Variants in DPP6 observed in about 807,000 individuals in gnomAD.
DPP6 encodes A-type potassium channel modulatory protein DPP6.
Under a neutral mutation model 122.6 loss-of-function variants are expected in DPP6, and 69 were observed. That is an observed-to-expected ratio of 0.56 (90% confidence interval 0.46 to 0.69). The LOEUF (loss-of-function observed/expected upper bound fraction) is 0.69, where lower values mean the gene tolerates loss of function less well. Ranked by LOEUF, DPP6 falls within the 30% of genes least tolerant of loss-of-function variation. DPP6 has a pLI of 0.00. For synonymous variants in DPP6, 418 were observed against 433.1 expected (o/e 0.97, Z 0.43); for missense variants, 928 against 1,116.9 (o/e 0.83, Z 2.41).
intron 16 of DPP6, among the ~76,000 whole-genome samples, chr7:154,840,565 A>G (rs1022936718): frequency 1.3e-5 from 2 of 152,334 alleles, no homozygotes; most frequent in South Asian, 4.1e-4. Flanking sequence ...TTGTCTCGGG[A>G]AGCTGAGCAT....
rs1367781045 is a variant in DPP6 at position 154,052,604 on chromosome 7, G to A, written c.-217G>A. 3.2e-6 allele frequency: 4 copies of A among 1,231,026 alleles called. No individual in the cohort carries two copies. Among genetic ancestry groups the A allele is most frequent in the East Asian group, 8.2e-5 (2 of 24,260 alleles). 76.3% of individuals were successfully genotyped at this position (1,231,026 alleles called of 1,614,324 possible). On this transcript the variant is annotated 5_prime_UTR_variant, in exon 1 of 26. Transcript: ENST00000377770. The surrounding 1 kb of genome is among the most constrained non-coding windows in gnomAD (Gnocchi z 4.8). Reference sequence around the variant, plus strand: ...CTTCGCGAGCCGCCGGGGAGGGGGCGGAGGAGGCTGAGCCAGGCAGAGTCG... The same window carrying A: ...CTTCGCGAGCCGCCGGGGAGGGGGCAGAGGAGGCTGAGCCAGGCAGAGTCG...
At chr7:154,072,198 C>T (rs1803167454) in intron 1 of DPP6, among the ~76,000 whole-genome samples, 1 of 152,254 alleles carries the variant, frequency 6.6e-6, no homozygotes, top group Non-Finnish European at 1.5e-5. Context: ...GATGGAAGAG[C>T]TTATATCCGC....
At chr7:154,872,790 G>A (rs759026683) in intron 19 of DPP6, 97 bp downstream of exon 19, 19 of 1,541,366 alleles carry the variant, frequency 1.2e-5, no homozygotes, top group Admixed American at 7.9e-5. Context: ...AAGATAAGCA[G>A]GAGAAATGAC....
At chr7:153,803,796 A>G in the DPP6 span, among the ~76,000 whole-genome samples, 1 of 150,714 alleles carries the variant, frequency 6.6e-6, no homozygotes, top group Non-Finnish European at 1.5e-5. Context: ...CAAACAGATA[A>G]GGATATATAT....
chr7:153,866,634 G>A, the DPP6 span, among the ~76,000 whole-genome samples: 1 of 152,122 alleles, frequency 6.6e-6, no homozygotes, highest in Non-Finnish European at 1.5e-5. Context: ...CTTTTGCTGT[G>A]CAGAAGCTCT....
At chr7:153,819,034 G>A in the DPP6 span, among the ~76,000 whole-genome samples, 1 of 137,626 alleles carries the variant, frequency 7.3e-6, no homozygotes, top group Non-Finnish European at 1.5e-5. Flanking sequence ...ACAGGCATGA[G>A]CCACCGCGCC....
At chr7:153,804,124 G>A in the DPP6 span, among the ~76,000 whole-genome samples, 13 of 150,874 alleles carry the variant, frequency 8.6e-5, no homozygotes, top group South Asian at 6.3e-4. Context: ...ATCTCGACTC[G>A]CTGCAACCTC....
rs1800550759 is a variant in DPP6 at position 153,919,880 on chromosome 7, C to T, written c.51+32146C>T. Among the ~76,000 whole-genome samples, 2 of 152,256 alleles carry T rather than the reference C, an allele frequency of 1.3e-5. 1 individual carries two copies. The highest frequency in any genetic ancestry group is 4.1e-4 in the South Asian group (2 of 4,826). Reference sequence around the variant, plus strand: ...TTGTATTTATTACAAATGTGAGTTGCTTGTTCATTGAGATTATTATAAAGT... The same window carrying T: ...TTGTATTTATTACAAATGTGAGTTGTTTGTTCATTGAGATTATTATAAAGT... On this transcript the variant is annotated intron_variant, in intron 1 of 25. Transcript: ENST00000404039.
At chr7:154,222,530 C>T (rs113312812) in intron 1 of DPP6, among the ~76,000 whole-genome samples, 2 of 148,434 alleles carry the variant, frequency 1.3e-5, no homozygotes, top group Non-Finnish European at 2.9e-5. Context: ...TGGCGCACGC[C>T]TGTAATCCCA....
intron 4 of DPP6, among the ~76,000 whole-genome samples, chr7:154,563,852 G>A (rs536412582): frequency 4.1e-4 from 63 of 152,226 alleles, no homozygotes; most frequent in Admixed American, 7.2e-4. Flanking sequence ...GGTCCAGTGC[G>A]GGTTCAGGTG....
intron 16 of DPP6, among the ~76,000 whole-genome samples, chr7:154,850,459 G>A (rs1046954103): frequency 3.3e-5 from 5 of 152,142 alleles, no homozygotes; most frequent in African/African-American, 1.2e-4. Context: ...ATCAGGGTAA[G>A]GCTGGCCTCA....
At chr7:154,296,046 G>A (rs951364528) in intron 1 of DPP6, among the ~76,000 whole-genome samples, 3 of 148,704 alleles carry the variant, frequency 2.0e-5, no homozygotes, top group African/African-American at 7.4e-5. Context: ...CCAGGTTCAC[G>A]CCATTCTCCT....
intron 1 of DPP6, among the ~76,000 whole-genome samples, chr7:154,065,135 T>C (rs1419910379): frequency 2.0e-5 from 3 of 152,078 alleles, no homozygotes; most frequent in Admixed American, 6.5e-5. Context: ...ATCCTCACCA[T>C]TGTCACTATC....
At chr7:154,237,207 C>A (rs563418555) in intron 1 of DPP6, among the ~76,000 whole-genome samples, 30 of 152,282 alleles carry the variant, frequency 2.0e-4, no homozygotes, top group African/African-American at 7.2e-4. Context: ...AGTCCTTAAA[C>A]CTGCCTTGGA....
intron 8 of DPP6, among the ~76,000 whole-genome samples, chr7:154,750,374 T>C (rs995464894): frequency 1.3e-5 from 2 of 152,238 alleles, no homozygotes; most frequent in Non-Finnish European, 2.9e-5. Flanking sequence ...GGGCCGCCTG[T>C]GCCGGAGCAG....
At chr7:154,242,950 A>G (rs1801724653) in intron 1 of DPP6, among the ~76,000 whole-genome samples, 1 of 152,158 alleles carries the variant, frequency 6.6e-6, no homozygotes, top group Non-Finnish European at 1.5e-5. Context: ...GAATGGAGAG[A>G]ACTCATTGAG....
intron 1 of DPP6, among the ~76,000 whole-genome samples, chr7:153,988,596 G>T (rs1796964205): frequency 6.6e-6 from 1 of 152,240 alleles, no homozygotes; most frequent in African/African-American, 2.4e-5. Flanking sequence ...ATGAGTCAAG[G>T]AGGGCATCGG....
the DPP6 span, among the ~76,000 whole-genome samples, chr7:153,795,082 C>T: frequency 1.3e-5 from 2 of 152,130 alleles, no homozygotes; most frequent in Non-Finnish European, 2.9e-5. Flanking sequence ...AGGTCAGGTG[C>T]CCTTAAAATT....
intron 1 of DPP6, among the ~76,000 whole-genome samples, chr7:154,061,829 C>T (rs1397358809): frequency 7.9e-5 from 11 of 138,546 alleles, no homozygotes; most frequent in Admixed American, 2.8e-4. Context: ...CCTCTTCCCC[C>T]CTTTGCTCTT....
Sources: allele counts gnomAD v4.1 joint callset (sites outside exome capture counted in the v4.1 genomes callset), GRCh38; gene constraint gnomAD v4.1.1; non-coding constraint Gnocchi (gnomAD v3.1); transcripts MANE v1.5; gene names NCBI Gene and HGNC (gene_info 2026-07-23, HGNC 2026-07-21).